The following HDAC11 variants were observed in gnomAD, a reference collection of about 807,000 sequenced individuals.
HDAC11 encodes the protein histone deacetylase 11.
Under a neutral mutation model 41.1 loss-of-function variants are expected in HDAC11, and 23 were observed. The observed-to-expected ratio is 0.56, with a 90% CI of 0.40 to 0.79. HDAC11 has a LOEUF of 0.79. Among genes scored for constraint, HDAC11 ranks in the 30% least tolerant of loss-of-function variants. The pLI, the probability that HDAC11 is intolerant of heterozygous loss-of-function variation, is 0.00. For synonymous variants in HDAC11, 187 were observed against 186.6 expected, an observed-to-expected ratio of 1.00 and a Z score of -0.02; for missense variants, 402 against 477.3, an observed-to-expected ratio of 0.84 and a Z score of 1.47.
At chr3:13,493,270 C>T (rs962394798) in intron 3 of HDAC11, among the ~76,000 whole-genome samples, 2 of 152,154 alleles carry the variant, frequency 1.3e-5, no homozygotes, top group African/African-American at 2.4e-5. Flanking sequence ...TCCTACCTGC[C>T]ACCTCCTCTG....
At chr3:13,490,744 CTTTTTT>C (rs59531656) in intron 3 of HDAC11, among the ~76,000 whole-genome samples, 2 of 41,452 alleles carry the variant, frequency 4.8e-5, no homozygotes, top group African/African-American at 2.1e-4. Flanking sequence ...GCATTTTTTT[CTTTTTT>C]TTTTTTTTTT....
At position 13,497,295 on chromosome 3, in the gene HDAC11, C is replaced by T. The variant is rs182950506; in HGVS notation, c.369+443C>T. Among the ~76,000 whole-genome samples, 888 of 152,160 alleles carry T rather than the reference C, an allele frequency of 5.8e-3. 8 individuals are homozygous for T. Among genetic ancestry groups the T allele is most frequent in the African/African-American group, 0.02 (842 of 41,504 alleles). ...CTAGGTTCAAGCGATTCTCTTGCCT[C>T]AGGCTCCTGAGTAGCTGGGACTACA... On this transcript the variant is annotated intron_variant, in intron 4 of 9. Transcript: ENST00000295757.
chr3:13,491,703 T>C (rs1379339990), intron 3 of HDAC11, among the ~76,000 whole-genome samples: 1 of 152,206 alleles, frequency 6.6e-6, no homozygotes, highest in Non-Finnish European at 1.5e-5. Context: ...CATGTCCTGC[T>C]CTCTGTGGAG....
chr3:13,502,678 G>T lies in HDAC11; in HGVS notation c.553-206G>T. 1.9e-6 allele frequency: 1 copy of T among 535,010 alleles called. No homozygotes were observed. Among genetic ancestry groups the T allele is most frequent in the Non-Finnish European group, 3.4e-6 (1 of 295,888 alleles). The allele number at this position is 535,010 out of a possible 1,614,324, so 33.1% of individuals were successfully genotyped here. A position where few individuals can be genotyped will look rare whatever the true frequency, so the allele number is the denominator to read the frequency against. ...TAGGGAACCTAAGAGCACTGGGCTT[G>T]CTCAAGCCCATGCTAGAAGGTGTCG... On this transcript the variant is annotated intron_variant, in intron 7 of 9. Transcript: ENST00000295757. The surrounding 1 kb of genome is among the most constrained non-coding windows in gnomAD (Gnocchi z 4.1).
In HDAC11 at chr3:13,505,411, C is replaced by T; in HGVS notation, c.*728C>T. ...GATCACTGCCTTAGCAGTAGTCTTG[C>T]CTGTTCAGTGCAAGGGGCAGGTTTT... is the stretch of plus-strand genomic sequence containing the variant. On this transcript the variant is annotated 3_prime_UTR_variant, in exon 10 of 10. Coordinates refer to ENST00000295757, the MANE Select transcript of HDAC11 (RefSeq NM_024827.4). 1 of 154,320 alleles carries T rather than the reference C, an allele frequency of 6.5e-6. No individual in the cohort carries two copies. 9.6% of individuals were successfully genotyped at this position (154,320 alleles called of 1,614,324 possible).
intron 1 of HDAC11, 39 bp from the exon 2 acceptor site, chr3:13,481,207 G>C (rs1701299874): frequency 6.3e-7 from 1 of 1,594,930 alleles, no homozygotes; most frequent in Admixed American, 1.7e-5. Context: ...TTCTGCCGAG[G>C]CTGCCCCAGC....
intron 3 of HDAC11, among the ~76,000 whole-genome samples, chr3:13,488,592 A>G (rs1193055958): frequency 6.6e-6 from 1 of 152,208 alleles, no homozygotes; most frequent in African/African-American, 2.4e-5. Context: ...GTGTTGTAGC[A>G]TGTATCAGTA....
chr3:13,496,571 T>C, intron 3 of HDAC11, 165 bp from the exon 4 acceptor site: 1 of 569,792 alleles, frequency 1.8e-6, no homozygotes, highest in Non-Finnish European at 3.2e-6. Context: ...CCTGGTAGGG[T>C]TGTGGCTCTG....
chr3:13,486,985 G>A (rs1455140575), intron 3 of HDAC11, among the ~76,000 whole-genome samples: 2 of 152,178 alleles, frequency 1.3e-5, no homozygotes, highest in Non-Finnish European at 2.9e-5. Flanking sequence ...CCGGATGGAA[G>A]GGAATAAAAC....
chr3:13,482,442 A>C (rs1290513229), intron 2 of HDAC11, among the ~76,000 whole-genome samples: 1 of 152,220 alleles, frequency 6.6e-6, no homozygotes, highest in Non-Finnish European at 1.5e-5. Context: ...AAGCACAGGC[A>C]GGTGTTGCGA....
chr3:13,497,455 A>G (rs1427403991), intron 4 of HDAC11, among the ~76,000 whole-genome samples: 3 of 152,176 alleles, frequency 2.0e-5, no homozygotes, highest in African/African-American at 7.2e-5. Context: ...CTGGGATTAC[A>G]GGCTTTGAGC....
intron 3 of HDAC11, among the ~76,000 whole-genome samples, chr3:13,484,467 G>T (rs549973783): frequency 6.6e-6 from 1 of 152,308 alleles, no homozygotes; most frequent in South Asian, 2.1e-4. Context: ...TGTGGGCCCG[G>T]CATGGCCAGA....
intron 3 of HDAC11, among the ~76,000 whole-genome samples, chr3:13,496,177 C>A (rs139690428): frequency 6.6e-6 from 1 of 152,322 alleles, no homozygotes; most frequent in East Asian, 1.9e-4. Context: ...GTAGACCCCC[C>A]CAGCCTCAGC....
chr3:13,501,640 A>T, intron 6 of HDAC11: 1 of 705,968 alleles, frequency 1.4e-6, no homozygotes, highest in Non-Finnish European at 2.6e-6. Flanking sequence ...GGCACAGGAC[A>T]TGCCCCCTCC....
rs1243164236 is a variant in HDAC11 at position 13,502,853 on chromosome 3, C to T, written c.553-31C>T. The T allele has an allele frequency of 6.3e-7, 1 of 1,586,156 alleles. No individual in the cohort carries two copies. The highest frequency in any genetic ancestry group is 8.7e-7 in the Non-Finnish European group (1 of 1,155,952). ...GCCCCAGCCTTGCCTAGGGCACCTACCCGAGAGCGGCTACTGTGACCTCCC... is the reference window on the plus strand; with the variant it reads ...GCCCCAGCCTTGCCTAGGGCACCTATCCGAGAGCGGCTACTGTGACCTCCC... On this transcript the variant is annotated intron_variant, in intron 7 of 9. Transcript: ENST00000295757. The surrounding 1 kb of genome is among the most constrained non-coding windows in gnomAD (Gnocchi z 4.1).
rs3217603 is a variant in HDAC11 at position 13,496,863 on chromosome 3, TGGGGGG to T, written c.369+13_369+18del. 7.4e-6 allele frequency: 8 copies of T among 1,080,082 alleles called. No homozygotes were observed. 66.9% of individuals were successfully genotyped at this position (1,080,082 alleles called of 1,614,324 possible). On this transcript the variant is annotated intron_variant, in intron 4 of 9. Transcript: ENST00000295757. ...GGAGGAACCATAATGGTAGGTGGGG[TGGGGGG>T]GCATGGCTGGGCTGGGGGCCCCCAC... is the stretch of plus-strand genomic sequence containing the variant.
Position 13,491,598 on chromosome 3 carries a change from C to T in HDAC11, c.253-5138C>T, listed in dbSNP as rs193221643. Among the ~76,000 whole-genome samples the T allele has an allele frequency of 4.6e-5, 7 of 152,258 alleles. No homozygotes were observed. In the South Asian group the frequency reaches 6.2e-4, roughly 14 times the overall value. On this transcript the variant is annotated intron_variant, in intron 3 of 9. Coordinates refer to ENST00000295757, the MANE Select transcript of HDAC11 (RefSeq NM_024827.4). ...GTTCTTGGTTTGAACCTGAGGGCAG[C>T]GGGTCCGCCTGAGGAAACCAGGTGT... is the stretch of plus-strand genomic sequence containing the variant.
At chr3:13,481,138 C>G in intron 1 of HDAC11, 108 bp from the exon 2 acceptor site, 1 of 1,185,892 alleles carries the variant, frequency 8.4e-7, no homozygotes, top group South Asian at 1.5e-5. Flanking sequence ...GGCTGAGGGG[C>G]TAGTGGTGCT....
intron 3 of HDAC11, among the ~76,000 whole-genome samples, chr3:13,483,842 A>G (rs570581831): frequency 1.3e-5 from 2 of 152,258 alleles, no homozygotes; most frequent in South Asian, 2.1e-4. Context: ...AGGCTTCTAC[A>G]TTATGACTTT....
Sources: gnomAD v4.1 joint callset for allele counts (sites outside exome capture counted in the v4.1 genomes callset) on GRCh38, gnomAD v4.1.1 for gene constraint, Gnocchi (gnomAD v3.1) non-coding constraint, MANE v1.5 for transcripts, NCBI Gene and HGNC (gene_info 2026-07-23, HGNC 2026-07-21) for gene names.